LHFPL3: variants seen among roughly 807,000 people sequenced by gnomAD.
LHFPL3 encodes LHFPL tetraspan subfamily member 3.
A neutral mutation model predicts 19.3 loss-of-function variants in LHFPL3; 5 were observed. The observed-to-expected ratio is 0.26, with a 90% CI of 0.14 to 0.54. LHFPL3 has a LOEUF of 0.54. LHFPL3 is among the 20% of genes least tolerant of loss of function. The pLI is 0.94. For synonymous variants in LHFPL3, 133 were observed against 126.2 expected (o/e 1.05, Z -0.36); for missense variants, 249 against 307.4 (o/e 0.81, Z 1.42).
chr7:104,538,048 C>A (rs1363098349), intron 1 of LHFPL3, among the ~76,000 whole-genome samples: 1 of 152,132 alleles, frequency 6.6e-6, no homozygotes, highest in African/African-American at 2.4e-5. Context: ...CTCTGAACTT[C>A]AGGTTTCAGT....
chr7:104,610,010 C>T (rs1317641790), intron 1 of LHFPL3, among the ~76,000 whole-genome samples: 3 of 152,126 alleles, frequency 2.0e-5, no homozygotes, highest in Non-Finnish European at 4.4e-5. Context: ...CAGACATCAA[C>T]GTGTTGCCTT....
At chr7:104,563,929 A>T (rs1363869432) in intron 1 of LHFPL3, among the ~76,000 whole-genome samples, 1 of 152,262 alleles carries the variant, frequency 6.6e-6, no homozygotes, top group Non-Finnish European at 1.5e-5. Context: ...AATATTAAGC[A>T]AATGGAGTTG....
At position 104,907,515 on chromosome 7, in the gene LHFPL3, A is replaced by G. The variant is rs1792643942; in HGVS notation, c.*1300A>G. On this transcript the variant is annotated 3_prime_UTR_variant, in exon 3 of 3. Coordinates refer to ENST00000424859, the MANE Select transcript of LHFPL3 (RefSeq NM_199000.3). The stretch of plus-strand genomic sequence containing the variant: ...GGCTTCCCCCATCATCACCCTCACC[A>G]CATATCCTGCTAATATCCAACAACA... 6.6e-6 allele frequency among the ~76,000 whole-genome samples: 1 copy of G among 152,114 alleles called. No homozygotes were observed. Among genetic ancestry groups the G allele is most frequent in the South Asian group, 2.1e-4 (1 of 4,832 alleles).
At chr7:104,396,267 G>C (rs1791182195) in intron 1 of LHFPL3, among the ~76,000 whole-genome samples, 1 of 152,122 alleles carries the variant, frequency 6.6e-6, no homozygotes, top group Non-Finnish European at 1.5e-5. Context: ...ATGTACAAAT[G>C]GTTGCTAAAG....
chr7:104,757,407 A>C (rs1366408965), intron 2 of LHFPL3, among the ~76,000 whole-genome samples: 4 of 152,214 alleles, frequency 2.6e-5, no homozygotes, highest in Non-Finnish European at 5.9e-5. Flanking sequence ...AACTATCAAC[A>C]GAATAAACAG....
intron 1 of LHFPL3, among the ~76,000 whole-genome samples, chr7:104,457,356 G>A (rs1334450670): frequency 1.3e-5 from 2 of 150,946 alleles, no homozygotes; most frequent in Non-Finnish European, 2.9e-5. Context: ...ACCTATGAGT[G>A]AGAAAATACG....
intron 1 of LHFPL3, among the ~76,000 whole-genome samples, chr7:104,542,511 T>G (rs1454227239): frequency 6.6e-6 from 1 of 152,118 alleles, no homozygotes; most frequent in Non-Finnish European, 1.5e-5. Flanking sequence ...CCTAAATTAG[T>G]CCTATAGAGA....
At chr7:104,902,822 C>T (rs952093327) in intron 2 of LHFPL3, among the ~76,000 whole-genome samples, 1 of 152,040 alleles carries the variant, frequency 6.6e-6, no homozygotes, top group African/African-American at 2.4e-5. Context: ...AGCGAGGGAT[C>T]TAATGAGGGA....
At chr7:104,780,442 C>T (rs897738514) in intron 2 of LHFPL3, among the ~76,000 whole-genome samples, 6 of 152,156 alleles carry the variant, frequency 3.9e-5, no homozygotes, top group Admixed American at 1.3e-4. Context: ...GCCCAGAGGA[C>T]GCAGCTCCTT....
intron 1 of LHFPL3, among the ~76,000 whole-genome samples, chr7:104,576,196 T>G (rs370210240): frequency 4.0e-4 from 61 of 152,074 alleles, no homozygotes; most frequent in African/African-American, 1.5e-3. Flanking sequence ...GTTTAAAAGA[T>G]CTATGGACTC....
chr7:104,620,521 T>C (rs1347730777), intron 1 of LHFPL3, among the ~76,000 whole-genome samples: 1 of 152,272 alleles, frequency 6.6e-6, no homozygotes, highest in Non-Finnish European at 1.5e-5. Context: ...TGCTTTCATA[T>C]ATCAACATCT....
At chr7:104,448,410 G>A in intron 1 of LHFPL3, among the ~76,000 whole-genome samples, 1 of 152,102 alleles carries the variant, frequency 6.6e-6, no homozygotes, top group South Asian at 2.1e-4. Flanking sequence ...TAATTACCCA[G>A]TTTTGGTAAA....
At chr7:104,648,672 C>G (rs1363897514) in intron 1 of LHFPL3, among the ~76,000 whole-genome samples, 2 of 152,152 alleles carry the variant, frequency 1.3e-5, no homozygotes, top group African/African-American at 2.4e-5. Flanking sequence ...GTGTACAGCG[C>G]TTACTTTACA....
chr7:104,687,663 C>G (rs1208405967), intron 1 of LHFPL3, among the ~76,000 whole-genome samples: 1 of 152,150 alleles, frequency 6.6e-6, no homozygotes, highest in South Asian at 2.1e-4. Flanking sequence ...ATATATTTCA[C>G]AATATCACAG....
chr7:104,608,966 C>A (rs1584436451), intron 1 of LHFPL3, among the ~76,000 whole-genome samples: 1 of 152,148 alleles, frequency 6.6e-6, no homozygotes, highest in East Asian at 1.9e-4. Flanking sequence ...ATAGTAAGTG[C>A]CCAGTAAATG....
intron 1 of LHFPL3, among the ~76,000 whole-genome samples, chr7:104,335,455 G>A (rs1478954737): frequency 6.6e-6 from 1 of 152,192 alleles, no homozygotes; most frequent in African/African-American, 2.4e-5. Flanking sequence ...TATATGTAAT[G>A]TGACAAGAAA....
In LHFPL3 at chr7:104,350,085, G is replaced by T. The variant is rs142551913; in HGVS notation, c.445+20861G>T. On this transcript the variant is annotated intron_variant, in intron 1 of 2. Coordinates refer to ENST00000424859, the MANE Select transcript of LHFPL3 (RefSeq NM_199000.3). ...CCATTTAACTGACAAGGAAATGGAG[G>T]CACAGAGAGATTAGGAAATATTGCC... Among the ~76,000 whole-genome samples, 288 of 152,234 alleles carry T rather than the reference G, an allele frequency of 1.9e-3. 2 individuals are homozygous for T. The highest frequency in any genetic ancestry group is 2.9e-3 in the South Asian group (14 of 4,816).
At chr7:104,605,772 T>A (rs139771545) in intron 1 of LHFPL3, among the ~76,000 whole-genome samples, 1,832 of 152,210 alleles carry the variant, frequency 0.012, 24 homozygotes, top group Middle Eastern at 0.017. Flanking sequence ...AGTTTACCAC[T>A]GTTGATGCAA....
At chr7:104,375,803 C>T (rs1790703305) in intron 1 of LHFPL3, among the ~76,000 whole-genome samples, 1 of 152,176 alleles carries the variant, frequency 6.6e-6, no homozygotes, top group South Asian at 2.1e-4. Flanking sequence ...TACTATTTCT[C>T]TTTATTTTCC....
Sources: allele counts gnomAD v4.1 joint callset (sites outside exome capture counted in the v4.1 genomes callset), GRCh38; gene constraint gnomAD v4.1.1; transcripts MANE v1.5; gene names NCBI Gene and HGNC (gene_info 2026-07-23, HGNC 2026-07-21).